Variants in NRG3 observed in about 807,000 individuals in gnomAD.
NRG3 encodes pro-neuregulin-3, membrane-bound isoform.
In NRG3, 31 loss-of-function variants were observed where a neutral mutation model predicts 66.9. The observed-to-expected ratio is 0.46, with a 90% CI of 0.35 to 0.63. NRG3 has a LOEUF of 0.63. Ranked by LOEUF, NRG3 falls within the 20% of genes least tolerant of loss-of-function variation. The probability of loss-of-function intolerance (pLI) is 0.00; values close to 1 mark genes in which losing one functional copy is unlikely to be tolerated. For synonymous variants in NRG3, 393 were observed against 359.4 expected (o/e 1.09, Z -1.06); for missense variants, 910 against 878.9 (o/e 1.04, Z -0.45).
intron 2 of NRG3, among the ~76,000 whole-genome samples, chr10:82,416,366 C>T (rs545746546): frequency 5.9e-5 from 9 of 152,310 alleles, no homozygotes; most frequent in African/African-American, 2.2e-4. Context: ...CATCCCCTTA[C>T]ATAGTTTGAA....
Position 82,044,327 on chromosome 10 carries a change from G to A in NRG3, c.823+168164G>A, listed in dbSNP as rs139581836. Among the ~76,000 whole-genome samples, 117 of 152,050 alleles carry A rather than the reference G, an allele frequency of 7.7e-4. 1 individual carries two copies. In the East Asian group the frequency reaches 0.016, roughly 21 times the overall value. On this transcript the variant is annotated intron_variant, in intron 1 of 8. Transcript: ENST00000372141. Reference sequence around the variant, plus strand: ...TCATGGGGCAAGGCAGCACCTAACCGTGGACAGGATACCCTTCCATCATAG... The same window carrying A: ...TCATGGGGCAAGGCAGCACCTAACCATGGACAGGATACCCTTCCATCATAG...
chr10:82,660,196 C>CAAAAAAAAAAAA (rs58870828), intron 2 of NRG3, among the ~76,000 whole-genome samples: 20 of 19,560 alleles, frequency 1.0e-3, no homozygotes, highest in East Asian at 2.7e-3. Context: ...AACTCCCTCT[C>CAAAAAAAAAAAA]AAAAAAAAAA....
At chr10:81,952,706 C>T (rs910820906) in intron 1 of NRG3, among the ~76,000 whole-genome samples, 1 of 152,052 alleles carries the variant, frequency 6.6e-6, no homozygotes, top group African/African-American at 2.4e-5. Context: ...CTGGCTTAAG[C>T]GATCCTTCCA....
At chr10:82,926,799 C>G (rs1441713258) in intron 4 of NRG3, among the ~76,000 whole-genome samples, 2 of 152,206 alleles carry the variant, frequency 1.3e-5, no homozygotes, top group African/African-American at 2.4e-5. Context: ...AAGTGTGATT[C>G]TAGCAGAATA....
intron 2 of NRG3, among the ~76,000 whole-genome samples, 197 bp from the exon 3 acceptor site, chr10:82,738,380 G>T (rs1484859266): frequency 6.6e-6 from 1 of 152,174 alleles, no homozygotes; most frequent in Non-Finnish European, 1.5e-5. Context: ...AAGCTACATT[G>T]TTGGCTTTCT....
chr10:82,109,549 G>T (rs1190839732), intron 1 of NRG3, among the ~76,000 whole-genome samples: 1 of 123,394 alleles, frequency 8.1e-6, no homozygotes, highest in African/African-American at 3.3e-5. Flanking sequence ...GTGTGTGTGT[G>T]TGTGTGTGTG....
At chr10:82,173,270 G>GTT (rs5786535) in intron 1 of NRG3, among the ~76,000 whole-genome samples, 1 of 147,846 alleles carries the variant, frequency 6.8e-6, no homozygotes, top group Non-Finnish European at 1.5e-5. Context: ...GATACATTAA[G>GTT]TTTTTTTTTT....
intron 1 of NRG3, among the ~76,000 whole-genome samples, chr10:81,964,641 A>G (rs868674721): frequency 6.6e-6 from 1 of 152,178 alleles, no homozygotes; most frequent in South Asian, 2.1e-4. Flanking sequence ...ACTGGATCAG[A>G]CAGTGTGCAT....
Position 82,084,514 on chromosome 10 carries a change from T to G in NRG3, c.823+208351T>G, listed in dbSNP as rs533455626. 1.2e-3 allele frequency among the ~76,000 whole-genome samples: 180 copies of G among 151,914 alleles called. 2 individuals are homozygous for G. Among genetic ancestry groups the G allele is most frequent in the African/African-American group, 4.2e-3 (175 of 41,416 alleles). On this transcript the variant is annotated intron_variant, in intron 1 of 8. Coordinates refer to ENST00000372141, the MANE Select transcript of NRG3 (RefSeq NM_001010848.4). ...GGACATATATGAGATTTTTTTTTTT[T>G]TTTGCCATCATAGAGAACTCTACAT...
chr10:82,536,728 A>G lies in NRG3; in HGVS notation c.953+177860A>G, dbSNP rs1300507244. 2.6e-5 allele frequency among the ~76,000 whole-genome samples: 4 copies of G among 152,086 alleles called. No homozygotes were observed. The East Asian group carries it at 5.8e-4, about 22-fold the overall frequency. On this transcript the variant is annotated intron_variant, in intron 2 of 8. Coordinates refer to ENST00000372141, the MANE Select transcript of NRG3 (RefSeq NM_001010848.4). ...GTAATCTGGAGACCTTGTGATTATT[A>G]ATTCAGAGGGGATTCATCAGGGTCT...
rs1845292067 is a variant in NRG3, at chr10:81,912,778, C to T, written c.823+36615C>T. Among the ~76,000 whole-genome samples the T allele has an allele frequency of 1.3e-5, 2 of 152,282 alleles. 1 individual carries two copies. Among genetic ancestry groups the T allele is most frequent in the South Asian group, 4.1e-4 (2 of 4,828 alleles). On this transcript the variant is annotated intron_variant, in intron 1 of 8. Coordinates refer to ENST00000372141, the MANE Select transcript of NRG3 (RefSeq NM_001010848.4). ...CTTTGGGTGGAAGGAGAGCTTGGCT[C>T]ACTCATGCATCTGAAAGAACCAGGG...
At chr10:82,297,599 G>C (rs1175198536) in intron 1 of NRG3, among the ~76,000 whole-genome samples, 2 of 152,112 alleles carry the variant, frequency 1.3e-5, no homozygotes, top group African/African-American at 4.8e-5. Flanking sequence ...AGCCCCTAAA[G>C]TTTTCTGACC....
chr10:82,797,524 G>T (rs1384435071), intron 3 of NRG3, among the ~76,000 whole-genome samples: 2 of 151,778 alleles, frequency 1.3e-5, no homozygotes, highest in African/African-American at 2.4e-5. Context: ...TTTTTTTTCT[G>T]TCACTCAGAT....
At chr10:82,921,287 A>G (rs1401531852) in intron 4 of NRG3, among the ~76,000 whole-genome samples, 2 of 152,152 alleles carry the variant, frequency 1.3e-5, no homozygotes, top group Non-Finnish European at 2.9e-5. Context: ...TAATTCTCAA[A>G]AGTGTCAAGG....
chr10:82,428,992 C>T (rs1337314877), intron 2 of NRG3, among the ~76,000 whole-genome samples: 4 of 151,756 alleles, frequency 2.6e-5, no homozygotes, highest in African/African-American at 9.7e-5. Flanking sequence ...TAATATTTGT[C>T]TTAAAGTCTC....
intron 2 of NRG3, among the ~76,000 whole-genome samples, chr10:82,368,301 G>A (rs1261311649): frequency 7.2e-6 from 1 of 138,324 alleles, no homozygotes; most frequent in Non-Finnish European, 1.5e-5. Context: ...TGAGTCTTGT[G>A]CAGAGAGTTC....
intron 2 of NRG3, among the ~76,000 whole-genome samples, chr10:82,425,302 T>G (rs1448988817): frequency 6.6e-6 from 1 of 152,124 alleles, no homozygotes; most frequent in African/African-American, 2.4e-5. Context: ...TATTTAGGCT[T>G]TCTTAATTTT....
At position 82,736,222 on chromosome 10, in the gene NRG3, C is replaced by T. The variant is rs564463236; in HGVS notation, c.954-2355C>T. Among the ~76,000 whole-genome samples, 201 of 152,320 alleles carry T rather than the reference C, an allele frequency of 1.3e-3. 1 individual carries two copies. Among genetic ancestry groups the T allele is most frequent in the Non-Finnish European group, 2.0e-3 (133 of 68,024 alleles). On this transcript the variant is annotated intron_variant, in intron 2 of 8. Transcript: ENST00000372141. ...TATGCTTGACACACTATCAGAAGTTCTGCCAACTTCAATCTATGCACTAGA... is the reference window on the plus strand; with the variant it reads ...TATGCTTGACACACTATCAGAAGTTTTGCCAACTTCAATCTATGCACTAGA...
At position 82,504,862 on chromosome 10, in the gene NRG3, C is replaced by CT. The variant is rs200732192; in HGVS notation, c.953+146002dup. Among the ~76,000 whole-genome samples, 341 of 151,682 alleles carry CT rather than the reference C, an allele frequency of 2.2e-3. 8 individuals are homozygous for CT. The East Asian group carries it at 0.052, about 23-fold the overall frequency. The stretch of plus-strand genomic sequence containing the variant: ...TAATTCTACCCCTCTATACATCACA[C>CT]TTTTTTTTACTTTTTTTTTTGTTAC... On this transcript the variant is annotated intron_variant, in intron 2 of 8. Transcript: ENST00000372141.
Sources: allele counts gnomAD v4.1 joint callset (sites outside exome capture counted in the v4.1 genomes callset), GRCh38; gene constraint gnomAD v4.1.1; transcripts MANE v1.5; gene names NCBI Gene and HGNC (gene_info 2026-07-23, HGNC 2026-07-21).